TASOR: variants seen among roughly 807,000 people sequenced by gnomAD.
The protein encoded by TASOR is protein TASOR.
A neutral mutation model predicts 178.6 loss-of-function variants in TASOR; 53 were observed. The ratio of observed to expected loss-of-function variants is 0.30; its 90% CI spans 0.24 to 0.37. TASOR has a LOEUF of 0.37. TASOR is among the 10% of genes least tolerant of loss of function. The pLI is 1.00. For missense variants in TASOR, 1,815 were observed against 1,971.4 expected, an observed-to-expected ratio of 0.92 and a Z score of 1.50; for synonymous variants, 713 against 696.2, an observed-to-expected ratio of 1.02 and a Z score of -0.38.
In TASOR at chr3:56,673,791, T is replaced by A. The variant is rs1015068520; in HGVS notation, c.332-66A>T. 3.7e-6 allele frequency: 5 copies of A among 1,356,620 alleles called. No individual in the cohort carries two copies. In the African/African-American group the frequency reaches 7.5e-5, roughly 20 times the overall value. The allele number at this position is 1,356,620 out of a possible 1,614,324, so 84.0% of individuals were successfully genotyped here. ...TCCATCTTAAATATAGCTTTTTATA[T>A]TTTTGTGGGTTAATGTAACTTTAAA... On this transcript the variant is annotated intron_variant, in intron 1 of 23. Coordinates refer to ENST00000683822, the MANE Select transcript of TASOR (RefSeq NM_001365635.2).
At chr3:56,631,961 A>T (rs1472141698) in intron 18 of TASOR, among the ~76,000 whole-genome samples, 1 of 152,184 alleles carries the variant, frequency 6.6e-6, no homozygotes, top group Non-Finnish European at 1.5e-5. Context: ...CACAATGAGA[A>T]ATCTTTCATG....
chr3:56,633,975 G>A lies in TASOR; in HGVS notation c.2825-9C>T. The A allele has an allele frequency of 6.6e-7, 1 of 1,513,792 alleles. No individual in the cohort carries two copies. Among genetic ancestry groups the A allele is most frequent in the Non-Finnish European group, 8.8e-7 (1 of 1,132,070 alleles). The allele number at this position is 1,513,792 out of a possible 1,614,324, so 93.8% of individuals were successfully genotyped here. A position where few individuals can be genotyped will look rare whatever the true frequency, so the allele number is the denominator to read the frequency against. The stretch of plus-strand genomic sequence containing the variant: ...TTCTGGTGATTTCATACCTATACAG[G>A]AAGAGTTCATTATTATAAGAGCAAT... On this transcript the variant is annotated splice_polypyrimidine_tract_variant and intron_variant, in intron 17 of 23. Transcript: ENST00000683822.
In TASOR at chr3:56,659,127, T is replaced by C. The variant is rs537302425; in HGVS notation, c.1368+1604A>G. ...ATAAACAACAGACTGATTAAGCACA[T>C]ATATATGAAAATAATTAAATTCTAT... On this transcript the variant is annotated intron_variant, in intron 11 of 23. Transcript: ENST00000683822. Among the ~76,000 whole-genome samples the C allele has an allele frequency of 2.0e-5, 3 of 152,294 alleles. No homozygotes were observed. In the South Asian group the frequency reaches 6.2e-4, roughly 32 times the overall value.
chr3:56,628,815 T>C (rs377143160), intron 18 of TASOR: 2 of 383,628 alleles, frequency 5.2e-6, no homozygotes, highest in East Asian at 1.0e-4. Flanking sequence ...GGCTGGAGTA[T>C]AGCAGCATGA....
chr3:56,627,634 T>C lies in TASOR; in HGVS notation c.3978A>G (p.Gly1326=), dbSNP rs1347817495. The stretch of plus-strand genomic sequence containing the variant: ...TTGATTCATCAGATACGATAAAACC[T>C]CCAGATACAAATAATTCATTGTATG... The part of the protein sequence containing the change: ...NHTYNELFVS[G]GFIVSDESIL... Residue 1326 remains glycine (G), a synonymous_variant, in exon 20 of 24, where the codon GGA becomes GGG. Coordinates refer to ENST00000683822, the MANE Select transcript of TASOR (RefSeq NM_001365635.2). The C allele has an allele frequency of 7.4e-6, 12 of 1,613,940 alleles. No homozygotes were observed. In the Middle Eastern group the frequency reaches 6.6e-4, roughly 88 times the overall value.
chr3:56,673,875 T>C (rs914011689), intron 1 of TASOR, 150 bp from the exon 2 acceptor site: 8 of 659,596 alleles, frequency 1.2e-5, no homozygotes, highest in East Asian at 6.0e-5. Context: ...GAGATACTTA[T>C]TAACTCATTG....
At chr3:56,631,572 CTG>C (rs771898036) in intron 18 of TASOR, among the ~76,000 whole-genome samples, 3 of 125,164 alleles carry the variant, frequency 2.4e-5, no homozygotes, top group Admixed American at 8.5e-5. Flanking sequence ...GTGTGTGTGT[CTG>C]TGTTTTTTTG....
chr3:56,629,277 T>A (rs772964937), intron 18 of TASOR, among the ~76,000 whole-genome samples: 21 of 151,634 alleles, frequency 1.4e-4, no homozygotes, highest in Non-Finnish European at 2.9e-4. Flanking sequence ...ATTATAGAGG[T>A]TAATGATTAG....
Position 56,674,743 on chromosome 3 carries a change from C to A in TASOR, c.332-1018G>T, listed in dbSNP as rs1228334147. Among the ~76,000 whole-genome samples the A allele has an allele frequency of 5.9e-5, 9 of 152,140 alleles. No homozygotes were observed. The East Asian group carries it at 1.7e-3, about 29-fold the overall frequency. On this transcript the variant is annotated intron_variant, in intron 1 of 23. Transcript: ENST00000683822. ...TGTAAAATGGCAAACTCCAGCTACT[C>A]TAATAACCACTATATGCCACATGCC...
At chr3:56,642,916 C>T (rs186400400) in intron 14 of TASOR, among the ~76,000 whole-genome samples, 12 of 152,040 alleles carry the variant, frequency 7.9e-5, no homozygotes, top group Admixed American at 5.9e-4. Flanking sequence ...GCGGAGGTTG[C>T]GGTGAGCCGA....
intron 17 of TASOR, among the ~76,000 whole-genome samples, chr3:56,634,335 A>C (rs1419998003): frequency 6.6e-6 from 1 of 152,200 alleles, no homozygotes; most frequent in African/African-American, 2.4e-5. Flanking sequence ...CAATCCCTGT[A>C]TTTATTATTT....
chr3:56,642,563 T>C (rs1173400827), intron 14 of TASOR, among the ~76,000 whole-genome samples: 2 of 152,222 alleles, frequency 1.3e-5, no homozygotes, highest in Non-Finnish European at 2.9e-5. Flanking sequence ...GAGTGCATAC[T>C]GTATGACTCT....
At chr3:56,643,551 A>G (rs1291328386) in intron 14 of TASOR, among the ~76,000 whole-genome samples, 1 of 152,120 alleles carries the variant, frequency 6.6e-6, no homozygotes, top group African/African-American at 2.4e-5. Context: ...TCACAAGGTC[A>G]GGAGATCGAG....
intron 17 of TASOR, among the ~76,000 whole-genome samples, chr3:56,636,715 T>C (rs2077025533): frequency 6.6e-6 from 1 of 152,152 alleles, no homozygotes; most frequent in Non-Finnish European, 1.5e-5. Context: ...AAAAACTTAT[T>C]GCCATTAAAT....
At chr3:56,637,160 A>G (rs2077034521) in intron 17 of TASOR, among the ~76,000 whole-genome samples, 1 of 152,244 alleles carries the variant, frequency 6.6e-6, no homozygotes, top group Admixed American at 6.5e-5. Flanking sequence ...GGGAACAAGG[A>G]GAGTACTAAC....
At chr3:56,653,275 AAAAAAAAAAAAAAAG>A (rs1445073144) in intron 11 of TASOR, among the ~76,000 whole-genome samples, 26 of 133,126 alleles carry the variant, frequency 2.0e-4, no homozygotes, top group South Asian at 9.3e-4. Flanking sequence ...AAAAAAAAAA[AAAAAAAAAAAAAAAG>A]AAAAGACAAG....
chr3:56,639,731 A>G (rs773257997), intron 16 of TASOR, among the ~76,000 whole-genome samples: 6 of 151,756 alleles, frequency 4.0e-5, no homozygotes, highest in African/African-American at 1.4e-4. Flanking sequence ...TCTGCATGCT[A>G]AACTCCATAG....
intron 21 of TASOR, among the ~76,000 whole-genome samples, chr3:56,626,328 C>A (rs569488279): frequency 2.6e-5 from 4 of 152,184 alleles, no homozygotes; most frequent in Non-Finnish European, 5.9e-5. Context: ...GTCCTACTCA[C>A]AAATCACTTC....
intron 11 of TASOR, among the ~76,000 whole-genome samples, chr3:56,658,645 G>A (rs776649554): frequency 3.3e-5 from 5 of 152,128 alleles, no homozygotes; most frequent in Admixed American, 6.5e-5. Flanking sequence ...GGCCAGGCGC[G>A]GTGGCTCACC....
Sources: allele counts gnomAD v4.1 joint callset (sites outside exome capture counted in the v4.1 genomes callset), GRCh38; gene constraint gnomAD v4.1.1; transcripts MANE v1.5; gene names NCBI Gene and HGNC (gene_info 2026-07-23, HGNC 2026-07-21).